PMS2: variants seen among roughly 807,000 people sequenced by gnomAD.
PMS2 encodes the protein PMS1 homolog 2, mismatch repair system component, also known as mismatch repair endonuclease PMS2.
A neutral mutation model predicts 90.0 loss-of-function variants in PMS2; 69 were observed. The observed-to-expected ratio is 0.77, with a 90% CI of 0.63 to 0.94. PMS2 has a LOEUF of 0.94. Among genes scored for constraint, PMS2 ranks in the 40% least tolerant of loss-of-function variants. The pLI is 0.00. For missense variants in PMS2, 966 were observed against 1,040.2 expected, an observed-to-expected ratio of 0.93 and a Z score of 0.98; for synonymous variants, 332 against 375.1, an observed-to-expected ratio of 0.89 and a Z score of 1.33.
chr7:5,981,804 C>T lies in PMS2; in HGVS notation c.2174+1020G>A, dbSNP rs1018582162. ...CTCTCTGCATGTGCCTCAGTTTTATCGCTTGTGGAATGGTGATGGTAACAG... is the reference window on the plus strand; with the variant it reads ...CTCTCTGCATGTGCCTCAGTTTTATTGCTTGTGGAATGGTGATGGTAACAG... On this transcript the variant is annotated intron_variant, in intron 12 of 14. Transcript: ENST00000265849. 3.3e-5 allele frequency among the ~76,000 whole-genome samples: 5 copies of T among 151,782 alleles called. 1 individual carries two copies. Among genetic ancestry groups the T allele is most frequent in the African/African-American group, 1.2e-4 (5 of 41,124 alleles).
chr7:6,006,076 T>A (rs1333744014), intron 1 of PMS2, 45 bp from the exon 2 acceptor site: 3 of 1,602,590 alleles, frequency 1.9e-6, no homozygotes, highest in East Asian at 4.5e-5. Context: ...TTCAGCTATA[T>A]ATTTTCATCC....
intron 8 of PMS2, among the ~76,000 whole-genome samples, chr7:5,994,114 G>A (rs984748945): frequency 1.3e-5 from 2 of 152,034 alleles, no homozygotes; most frequent in Non-Finnish European, 2.9e-5. Context: ...CAGGCGCGGT[G>A]GTTCACGCCT....
chr7:5,997,516 C>CA, intron 6 of PMS2, 93 bp from the exon 7 acceptor site: 1 of 757,290 alleles, frequency 1.3e-6, no homozygotes, highest in Non-Finnish European at 2.2e-6. Flanking sequence ...ATTGACATTA[C>CA]AAGCGCAAAA....
At chr7:5,997,878 G>A (rs76984954) in intron 6 of PMS2, among the ~76,000 whole-genome samples, 1 of 152,098 alleles carries the variant, frequency 6.6e-6, no homozygotes, top group South Asian at 2.1e-4. Flanking sequence ...ACATGTGTGA[G>A]CCGTGGGAAC....
intron 2 of PMS2, 121 bp from the exon 3 acceptor site, chr7:6,004,179 T>C (rs1165575084): frequency 2.3e-5 from 15 of 660,460 alleles, no homozygotes; most frequent in Non-Finnish European, 3.5e-5. Context: ...TAGTTAAACA[T>C]ACTAGTGTCA....
rs1269629571 is a variant in PMS2 at position 5,979,217 on chromosome 7, A to AC, written c.2175-522_2175-521insG. ...ACTCTGTCTCAAAAAAAAAAAAAAA[A>AC]AAAAAACACCCATAAAAACAAAAAT... On this transcript the variant is annotated intron_variant, in intron 12 of 14. Coordinates refer to ENST00000265849, the MANE Select transcript of PMS2 (RefSeq NM_000535.7). 4.5e-3 allele frequency among the ~76,000 whole-genome samples: 612 copies of AC among 135,722 alleles called. 17 individuals carry two copies. Among genetic ancestry groups the AC allele is most frequent in the Non-Finnish European group, 7.7e-3 (500 of 64,742 alleles). 89.0% of individuals were successfully genotyped at this position (135,722 alleles called of 152,430 possible). A position where few individuals can be genotyped will look rare whatever the true frequency, so the allele number is the denominator to read the frequency against.
At chr7:5,990,232 T>G (rs564098317) in intron 9 of PMS2, among the ~76,000 whole-genome samples, 4 of 152,218 alleles carry the variant, frequency 2.6e-5, no homozygotes, top group Non-Finnish European at 5.9e-5. Context: ...GGTCTCGAAC[T>G]CACAACCTCA....
At position 5,997,471 on chromosome 7, in the gene PMS2, A is replaced by G. The variant is rs765707036; in HGVS notation, c.706-48T>C. ...CACAGTTACTTCCTAATAAAGACAG[A>G]GTGGACTTAATCTGTTTTCTTTCTT... On this transcript the variant is annotated intron_variant, in intron 6 of 14. Coordinates refer to ENST00000265849, the MANE Select transcript of PMS2 (RefSeq NM_000535.7). 2.9e-6 allele frequency: 3 copies of G among 1,032,450 alleles called. No homozygotes were observed. The highest frequency in any genetic ancestry group is 4.5e-6 in the Non-Finnish European group (3 of 668,618). 64.0% of individuals were successfully genotyped at this position (1,032,450 alleles called of 1,614,324 possible). A position where few individuals can be genotyped will look rare whatever the true frequency, so the allele number is the denominator to read the frequency against.
At position 5,987,232 on chromosome 7, in the gene PMS2, C is replaced by A. The variant is rs542520309; in HGVS notation, c.1533G>T (p.Thr511=). Residue 511 remains threonine (T), a synonymous_variant, in exon 11 of 15, where the codon ACG becomes ACT. Transcript: ENST00000265849. ...VDSEGFSIPD[T]GSHCSSEYAA... is the part of the protein sequence containing the mutation. ...CATACTCGCTGCTGCAGTGACTGCC[C>A]GTGTCTGGGATGCTGAACCCCTCAG... 2 of 1,614,044 alleles carry A rather than the reference C, an allele frequency of 1.2e-6. No homozygotes were observed. The highest frequency in any genetic ancestry group is 1.7e-6 in the Non-Finnish European group (2 of 1,180,018).
rs2128704703 is a variant in PMS2 at position 5,982,977 on chromosome 7, G to A, written c.2021C>T (p.Ala674Val). The change falls in exon 12 of 15, where the codon GCA becomes GTA. Residue 674 changes from alanine to valine, a missense_variant. Ala to Val is a moderately conservative substitution (Grantham distance 64, BLOSUM62 0). This residue lies in a region of PMS2 where 95 missense variants were observed against 237.8 expected (regional missense o/e 0.40). Coordinates refer to ENST00000265849, the MANE Select transcript of PMS2 (RefSeq NM_000535.7). Reference sequence around the variant, plus strand: ...AAACTGACCAATGATTTCCATTTCTGCAAACATCGTTTTACTGCAGGTAGA... The same window carrying A: ...AAACTGACCAATGATTTCCATTTCTACAAACATCGTTTTACTGCAGGTAGA... ...LRKEISKTMF[A>V]EMEIIGQFNL... 1 of 1,544,730 alleles carries A rather than the reference G, an allele frequency of 6.5e-7. No homozygotes were observed. The highest frequency in any genetic ancestry group is 8.8e-7 in the Non-Finnish European group (1 of 1,131,458).
intron 8 of PMS2, among the ~76,000 whole-genome samples, chr7:5,994,767 TC>T (rs1784191494): frequency 6.7e-6 from 1 of 148,806 alleles, no homozygotes; most frequent in South Asian, 2.1e-4. Context: ...CAAACAAGAC[TC>T]CGTCTCAGAA....
At chr7:5,978,152 G>A (rs1781914911) in intron 13 of PMS2, among the ~76,000 whole-genome samples, 2 of 149,870 alleles carry the variant, frequency 1.3e-5, no homozygotes, top group Admixed American at 6.6e-5. Flanking sequence ...CTGAAAGAGA[G>A]GAAACTCACA....
chr7:5,994,452 G>T (rs977872225), intron 8 of PMS2, among the ~76,000 whole-genome samples: 5 of 151,334 alleles, frequency 3.3e-5, no homozygotes, highest in Admixed American at 1.3e-4. Context: ...TTATGATAGG[G>T]TTATGTCCTG....
rs1583410797 is a variant in PMS2, at chr7:6,004,032, C to T, written c.190G>A (p.Asp64Asn). 6.3e-7 allele frequency: 1 copy of T among 1,598,048 alleles called. No individual in the cohort carries two copies. Among genetic ancestry groups the T allele is most frequent in the African/African-American group, 1.3e-5 (1 of 74,510 alleles). ...IDLKLKDYGV[D>N]LIEVSDNGCG... ...CCATTGTCTGAAACTTCAATAAGAT[C>T]CACTCCATAGTCCTTAAGCTTTAGA... The change falls in exon 3 of 15, where the codon GAT becomes AAT. Residue 64 changes from aspartate to asparagine, a missense_variant. By Grantham distance (23) the Asp-to-Asn change is conservative (BLOSUM62 1). This residue lies in a region of PMS2 where 871 missense variants were observed against 802.4 expected (regional missense o/e 1.09). Coordinates refer to ENST00000265849, the MANE Select transcript of PMS2 (RefSeq NM_000535.7).
rs1243060387 is a variant in PMS2, at chr7:6,007,877, T to G, written c.23+1120A>C. On this transcript the variant is annotated intron_variant, in intron 1 of 14. Coordinates refer to ENST00000265849, the MANE Select transcript of PMS2 (RefSeq NM_000535.7). ...TCTGATTTTTTTTTTTTTTTTTTTT[T>G]GAGACCGAGTCTTGCTGCGTTGCCC... Among the ~76,000 whole-genome samples the G allele has an allele frequency of 7.0e-5, 7 of 99,708 alleles. No homozygotes were observed. In the East Asian group the frequency reaches 2.7e-3, roughly 38 times the overall value. 65.4% of individuals were successfully genotyped at this position (99,708 alleles called of 152,430 possible).
intron 11 of PMS2, 98 bp downstream of exon 11, chr7:5,986,661 C>T (rs1782900704): frequency 3.1e-6 from 3 of 963,230 alleles, no homozygotes; most frequent in Non-Finnish European, 1.5e-6. Flanking sequence ...CACTGCATTC[C>T]AGCCTGCGCA....
At chr7:5,994,961 A>G (rs934653273) in intron 8 of PMS2, among the ~76,000 whole-genome samples, 1 of 152,118 alleles carries the variant, frequency 6.6e-6, no homozygotes, top group African/African-American at 2.4e-5. Context: ...CCGAAAAACA[A>G]TGGTTCAATA....
chr7:6,000,065 A>C (rs191888703), intron 5 of PMS2, among the ~76,000 whole-genome samples: 6 of 152,100 alleles, frequency 3.9e-5, no homozygotes, highest in African/African-American at 1.4e-4. Flanking sequence ...AGACAATCAC[A>C]ATATGCTAAG....
chr7:5,987,960 C>T (rs780126011), intron 10 of PMS2, among the ~76,000 whole-genome samples: 1 of 146,562 alleles, frequency 6.8e-6, no homozygotes, highest in Non-Finnish European at 1.5e-5. Context: ...GGCTGAGGCA[C>T]GAGAATCCCT....
Sources: gnomAD v4.1 joint callset for allele counts (sites outside exome capture counted in the v4.1 genomes callset) on GRCh38, gnomAD v4.1.1 for gene constraint, gnomAD v4.1.1 regional missense constraint, MANE v1.5 for transcripts, NCBI Gene and HGNC (gene_info 2026-07-23, HGNC 2026-07-21) for gene names.